MFSD12: variants seen among roughly 807,000 people sequenced by gnomAD.
MFSD12 encodes the protein major facilitator superfamily domain containing 12, also known as major facilitator superfamily domain-containing protein 12.
Under a neutral mutation model 51.2 loss-of-function variants are expected in MFSD12, and 67 were observed. That is an observed-to-expected ratio of 1.31 (90% CI 1.08 to 1.60). The LOEUF (loss-of-function observed/expected upper bound fraction) is 1.60, where lower values mean the gene tolerates loss of function less well. Ranked by LOEUF, MFSD12 falls within the 40% of genes most tolerant of loss-of-function variation. The pLI, the probability that MFSD12 is intolerant of heterozygous loss-of-function variation, is 0.00. For missense variants in MFSD12, 921 were observed against 673.0 expected (o/e 1.37, Z -4.08); for synonymous variants, 441 against 316.7 (o/e 1.39, Z -4.17).
rs2031256926 is a variant in MFSD12 at position 3,548,400 on chromosome 19, T to TGGCC, written c.510-137_510-134dup. ...TGATTCCAACCACTGCCACACTGGG[T>TGGCC]GGCCTCCAGGAAGCCCGTGCTGGCC... On this transcript the variant is annotated intron_variant, in intron 2 of 9. Coordinates refer to ENST00000355415, the MANE Select transcript of MFSD12 (RefSeq NM_174983.5). 2.4e-6 allele frequency: 3 copies of TGGCC among 1,253,680 alleles called. No individual in the cohort carries two copies. In the East Asian group the frequency reaches 7.7e-5, roughly 32 times the overall value. 77.7% of individuals were successfully genotyped at this position (1,253,680 alleles called of 1,614,324 possible). A position where few individuals can be genotyped will look rare whatever the true frequency, so the allele number is the denominator to read the frequency against.
At chr19:3,552,534 G>A (rs1413046422) in intron 1 of MFSD12, among the ~76,000 whole-genome samples, 1 of 142,766 alleles carries the variant, frequency 7.0e-6, no homozygotes, top group Non-Finnish European at 1.5e-5. Context: ...GAGTGCAGTG[G>A]TGCGATCTCA....
chr19:3,547,403 C>G, intron 5 of MFSD12, 39 bp from the exon 6 acceptor site: 1 of 1,612,244 alleles, frequency 6.2e-7, no homozygotes, highest in Non-Finnish European at 8.5e-7. Flanking sequence ...TCAGTCATGG[C>G]TCGCCAGGCT....
At chr19:3,552,946 G>C (rs1265989679) in intron 1 of MFSD12, among the ~76,000 whole-genome samples, 1 of 152,118 alleles carries the variant, frequency 6.6e-6, no homozygotes, top group East Asian at 1.9e-4. Flanking sequence ...CTCCCAGCCT[G>C]GGGCACCTGG....
rs1341764909 is a variant in MFSD12, at chr19:3,551,785, C to A, written c.299-591G>T. ...AGATCCTCCCCGCAGCCCACGGAGC[C>A]CTTTGCGACCTGCCCTGTCCCCTCC... On this transcript the variant is annotated intron_variant, in intron 1 of 9. Transcript: ENST00000355415. The surrounding 1 kb of genome is among the most constrained non-coding windows in gnomAD (Gnocchi z 4.6). Among the ~76,000 whole-genome samples the A allele has an allele frequency of 1.3e-5, 2 of 152,160 alleles. No homozygotes were observed. Among genetic ancestry groups the A allele is most frequent in the Admixed American group, 1.3e-4 (2 of 15,276 alleles).
At position 3,547,563 on chromosome 19, in the gene MFSD12, CAG is replaced by C; in HGVS notation, c.838-18_838-17del. 1 of 1,599,728 alleles carries C rather than the reference CAG, an allele frequency of 6.3e-7. No homozygotes were observed. The highest frequency in any genetic ancestry group is 8.5e-7 in the Non-Finnish European group (1 of 1,172,780). ...GTATGCCCACCTGTGGGCAGACCGA[CAG>C]AGGGACTGGCAGGGGTCAGGAGGGC... On this transcript the variant is annotated splice_polypyrimidine_tract_variant and intron_variant, in intron 4 of 9. Transcript: ENST00000355415.
chr19:3,544,671 C>T lies in MFSD12; in HGVS notation c.*39G>A. 6.4e-7 allele frequency: 1 copy of T among 1,569,568 alleles called. No individual in the cohort carries two copies. The highest frequency in any genetic ancestry group is 1.2e-5 in the South Asian group (1 of 84,070). ...CCCTGGGGGGCATCCTCGTGCGTCC[C>T]CACAGTTCCCTTGCACAGGTGCAGG... On this transcript the variant is annotated 3_prime_UTR_variant, in exon 10 of 10. Coordinates refer to ENST00000355415, the MANE Select transcript of MFSD12 (RefSeq NM_174983.5).
rs2031782965 is a variant in MFSD12 at position 3,557,303 on chromosome 19, A to G, written c.101T>C (p.Leu34Pro). Residue 34 changes from leucine (L) to proline (P), a missense_variant, in exon 1 of 10, where the codon CTG (leucine) becomes CCG (proline). Physicochemically the swap from Leu to Pro is moderately conservative, Grantham distance 98. Coordinates refer to ENST00000355415, the MANE Select transcript of MFSD12 (RefSeq NM_174983.5). ...GTAGGTGAACCACATGGACGCGCAC[A>G]GGTCGTTGAGGAAGTGGCCCACGGC... ...SYAVGHFLND[L>P]CASMWFTYLL... The G allele has an allele frequency of 6.3e-7, 1 of 1,591,192 alleles. No homozygotes were observed. The highest frequency in any genetic ancestry group is 8.5e-7 in the Non-Finnish European group (1 of 1,170,590).
chr19:3,543,842 C>T (rs1331818018), downstream of MFSD12: 4 of 1,535,594 alleles, frequency 2.6e-6, no homozygotes, highest in African/African-American at 1.4e-5. Context: ...TCAACAGGAA[C>T]CGGTACGGGG....
At chr19:3,547,807 G>C (rs2031195919) in intron 4 of MFSD12, 41 bp downstream of exon 4, 3 of 1,460,634 alleles carry the variant, frequency 2.1e-6, no homozygotes, top group East Asian at 2.5e-5. Flanking sequence ...CTGTGGGTGG[G>C]AGAGAAGGCC....
chr19:3,553,660 C>T (rs1437514379), intron 1 of MFSD12, among the ~76,000 whole-genome samples: 3 of 133,696 alleles, frequency 2.2e-5, no homozygotes, highest in African/African-American at 8.7e-5. Context: ...GTCCCAGCTA[C>T]TCGAGAGGCT....
chr19:3,547,224 G>C (rs1201178734), intron 6 of MFSD12, 48 bp downstream of exon 6: 2 of 1,530,956 alleles, frequency 1.3e-6, no homozygotes, highest in East Asian at 4.5e-5. Context: ...CTCGGCTGCA[G>C]GGCACCCCAT....
Position 3,548,405 on chromosome 19 carries a change from T to C in MFSD12, c.510-138A>G, listed in dbSNP as rs1437509524. On this transcript the variant is annotated intron_variant, in intron 2 of 9. Transcript: ENST00000355415. ...CCAACCACTGCCACACTGGGTGGCC[T>C]CCAGGAAGCCCGTGCTGGCCTCAGT... The C allele has an allele frequency of 3.4e-6, 4 of 1,175,314 alleles. No homozygotes were observed. In the African/African-American group the frequency reaches 4.7e-5, roughly 14 times the overall value. The allele number at this position is 1,175,314 out of a possible 1,614,324, so 72.8% of individuals were successfully genotyped here.
chr19:3,545,521 G>A (rs1183329280), intron 8 of MFSD12, among the ~76,000 whole-genome samples: 3 of 152,208 alleles, frequency 2.0e-5, no homozygotes, highest in Non-Finnish European at 2.9e-5. Context: ...GGAATGCTCT[G>A]ACATCCTGCA....
intron 4 of MFSD12, 64 bp downstream of exon 4, chr19:3,547,784 C>G: frequency 6.9e-7 from 1 of 1,450,658 alleles, no homozygotes; most frequent in Non-Finnish European, 9.1e-7. Flanking sequence ...AGCTGCCCCA[C>G]AGAGCAAAGG....
downstream of MFSD12, chr19:3,543,556 C>G (rs1355413889): frequency 5.2e-6 from 8 of 1,538,222 alleles, no homozygotes; most frequent in Non-Finnish European, 7.0e-6. Context: ...CCACCGCAGC[C>G]TACACCCAGC....
At position 3,546,285 on chromosome 19, in the gene MFSD12, G is replaced by T; in HGVS notation, c.1164C>A (p.Ala388=). Residue 388 remains alanine, a synonymous_variant, in exon 7 of 10, where the codon GCC becomes GCA. Transcript: ENST00000355415. ...GCATILVTSL[A]MTADLIGPHT... ...GGGGACCGATGAGGTCGGCCGTCAT[G>T]GCCAGCGAGGTGACGAGGATGGTGG... The T allele has an allele frequency of 6.2e-7, 1 of 1,610,468 alleles. No homozygotes were observed. Among genetic ancestry groups the T allele is most frequent in the South Asian group, 1.1e-5 (1 of 90,748 alleles).
At chr19:3,546,525 T>C in intron 6 of MFSD12, 100 bp from the exon 7 acceptor site, 1 of 1,384,846 alleles carries the variant, frequency 7.2e-7, no homozygotes, top group Middle Eastern at 2.6e-4. Flanking sequence ...AAACAAGGCA[T>C]GAGCTGGATG....
At position 3,544,858 on chromosome 19, in the gene MFSD12, A is replaced by AGCGGCC; in HGVS notation, c.1365_1370dup (p.Ala457_Ala458dup). ...GCAGGAGGCTACAGAGACACAGGGC[A>AGCGGCC]GCGGCCACGCCCACGCCGCCCGTCA... On this transcript the variant is annotated inframe_insertion, in exon 9 of 10. Coordinates refer to ENST00000355415, the MANE Select transcript of MFSD12 (RefSeq NM_174983.5). 1.2e-6 allele frequency: 2 copies of AGCGGCC among 1,611,984 alleles called. No homozygotes were observed. The highest frequency in any genetic ancestry group is 1.7e-6 in the Non-Finnish European group (2 of 1,179,608).
At chr19:3,539,421 C>A, downstream of MFSD12, 1 of 591,302 alleles carries the variant, frequency 1.7e-6, no homozygotes, top group South Asian at 2.0e-5. Context: ...TGTTCCCCTC[C>A]GGCCAGTGGC....
Sources: gnomAD v4.1 joint callset for allele counts (sites outside exome capture counted in the v4.1 genomes callset) on GRCh38, gnomAD v4.1.1 for gene constraint, Gnocchi (gnomAD v3.1) non-coding constraint, MANE v1.5 for transcripts, NCBI Gene and HGNC (gene_info 2026-07-23, HGNC 2026-07-21) for gene names.